CNTN3: variants seen among roughly 807,000 people sequenced by gnomAD.
CNTN3 encodes contactin 3.
In CNTN3, 60 loss-of-function variants were observed where a neutral mutation model predicts 119.1. The observed-to-expected ratio is 0.50, with a 90% CI of 0.41 to 0.62. The LOEUF is 0.62. Among genes scored for constraint, CNTN3 ranks in the 20% least tolerant of loss-of-function variants. The probability of loss-of-function intolerance (pLI) is 0.00; values close to 1 mark genes in which losing one functional copy is unlikely to be tolerated. For synonymous variants in CNTN3, 450 were observed against 438.7 expected, an observed-to-expected ratio of 1.03 and a Z score of -0.32; for missense variants, 1,101 against 1,242.4, an observed-to-expected ratio of 0.89 and a Z score of 1.71.
At chr3:74,383,434 C>G (rs1041578700) in intron 5 of CNTN3, among the ~76,000 whole-genome samples, 1 of 152,050 alleles carries the variant, frequency 6.6e-6, no homozygotes, top group Non-Finnish European at 1.5e-5. Context: ...AAATTTTAAC[C>G]AAGGAATTCT....
intron 2 of CNTN3, among the ~76,000 whole-genome samples, chr3:74,511,655 T>C (rs909911062): frequency 2.6e-5 from 4 of 152,088 alleles, no homozygotes; most frequent in African/African-American, 9.7e-5. Context: ...GGTGATGAAG[T>C]GAGACCCCTG....
intron 2 of CNTN3, among the ~76,000 whole-genome samples, chr3:74,506,905 G>C (rs115407106): frequency 1.8e-4 from 28 of 152,170 alleles, no homozygotes; most frequent in Admixed American, 3.9e-4. Flanking sequence ...TTTTAATAGA[G>C]ATGATTTCAT....
intron 13 of CNTN3, among the ~76,000 whole-genome samples, chr3:74,315,933 G>A (rs898339281): frequency 6.6e-6 from 1 of 152,062 alleles, no homozygotes; most frequent in Admixed American, 6.6e-5. Context: ...TTTAATACTG[G>A]CCTTGGCAAA....
At chr3:74,274,877 G>T in intron 20 of CNTN3, among the ~76,000 whole-genome samples, 1 of 152,092 alleles carries the variant, frequency 6.6e-6, no homozygotes, top group East Asian at 1.9e-4. Context: ...AGAGAAAAGT[G>T]AAGCCCAATA....
intron 10 of CNTN3, among the ~76,000 whole-genome samples, chr3:74,364,150 C>T (rs1475322015): frequency 1.3e-5 from 2 of 152,048 alleles, no homozygotes; most frequent in African/African-American, 4.8e-5. Flanking sequence ...CAACGGGGAA[C>T]ACCAAAATCA....
intron 16 of CNTN3, 141 bp from the exon 17 acceptor site, chr3:74,300,079 A>G: frequency 2.4e-6 from 1 of 419,366 alleles, no homozygotes; most frequent in East Asian, 3.6e-5. Flanking sequence ...TTATGTACAT[A>G]TACTTATATA....
intron 13 of CNTN3, among the ~76,000 whole-genome samples, chr3:74,324,245 T>C (rs1264045106): frequency 1.3e-5 from 2 of 151,680 alleles, no homozygotes; most frequent in Admixed American, 6.6e-5. Context: ...AGAGTTTTGC[T>C]CTGTCTTGCA....
Position 74,301,563 on chromosome 3 carries a change from T to G in CNTN3, c.1946-16A>C. ...ACCTCAGGCACTACAAAGGAATATT[T>G]CAGAGGTAAGAGTCTGCCTGCTTTA... On this transcript the variant is annotated splice_polypyrimidine_tract_variant and intron_variant, in intron 15 of 22. Transcript: ENST00000263665. The G allele has an allele frequency of 6.2e-7, 1 of 1,613,440 alleles. No homozygotes were observed. The highest frequency in any genetic ancestry group is 8.5e-7 in the Non-Finnish European group (1 of 1,179,596).
At chr3:74,480,835 G>C (rs905756397) in intron 4 of CNTN3, among the ~76,000 whole-genome samples, 1 of 151,768 alleles carries the variant, frequency 6.6e-6, no homozygotes, top group Non-Finnish European at 1.5e-5. Flanking sequence ...TGGAGATATT[G>C]ATTAACTTTA....
chr3:74,330,333 G>A (rs1042386273), intron 13 of CNTN3, among the ~76,000 whole-genome samples: 3 of 151,426 alleles, frequency 2.0e-5, no homozygotes, highest in Admixed American at 6.6e-5. Flanking sequence ...TCCAGCCTGA[G>A]TGACACAGTG....
intron 3 of CNTN3, among the ~76,000 whole-genome samples, chr3:74,495,302 T>A (rs1275951196): frequency 6.6e-6 from 1 of 152,046 alleles, no homozygotes; most frequent in African/African-American, 2.4e-5. Context: ...ATATCAGATC[T>A]TACATAGCAA....
chr3:74,475,189 A>AT, intron 4 of CNTN3, among the ~76,000 whole-genome samples: 1 of 152,274 alleles, frequency 6.6e-6, no homozygotes, highest in Non-Finnish European at 1.5e-5. Context: ...CACTAACATT[A>AT]TTTTCCTAAG....
chr3:74,504,763 T>C lies in CNTN3; in HGVS notation c.56-4978A>G, dbSNP rs13083906. Reference sequence around the variant, plus strand: ...CTGTGGAGACTGAAAGCTCCAGAGATACTTTCCACAACTCTTTGTCATTCT... The same window carrying C: ...CTGTGGAGACTGAAAGCTCCAGAGACACTTTCCACAACTCTTTGTCATTCT... On this transcript the variant is annotated intron_variant, in intron 2 of 22. Coordinates refer to ENST00000263665, the MANE Select transcript of CNTN3 (RefSeq NM_020872.3). Among the ~76,000 whole-genome samples the C allele has an allele frequency of 5.2e-3, 629 of 121,106 alleles. 3 individuals carry two copies. Among genetic ancestry groups the C allele is most frequent in the Non-Finnish European group, 8.8e-3 (455 of 51,846 alleles). 79.5% of individuals were successfully genotyped at this position (121,106 alleles called of 152,430 possible). A position where few individuals can be genotyped will look rare whatever the true frequency, so the allele number is the denominator to read the frequency against.
intron 1 of CNTN3, among the ~76,000 whole-genome samples, chr3:74,607,402 T>C (rs1705010801): frequency 6.6e-6 from 1 of 152,200 alleles, no homozygotes; most frequent in Non-Finnish European, 1.5e-5. Flanking sequence ...TGCATTAAGT[T>C]ATTTTAAAAG....
chr3:74,398,925 A>G (rs899386016), intron 5 of CNTN3, among the ~76,000 whole-genome samples: 2 of 152,242 alleles, frequency 1.3e-5, no homozygotes, highest in African/African-American at 4.8e-5. Context: ...TTTATGGGAT[A>G]TGCAGTGATA....
At chr3:74,489,801 T>C (rs960319250) in intron 3 of CNTN3, among the ~76,000 whole-genome samples, 3 of 152,080 alleles carry the variant, frequency 2.0e-5, no homozygotes. Flanking sequence ...TTTTAACATA[T>C]AAAATGGAGA....
rs1217169272 is a variant in CNTN3, at chr3:74,614,407, G to T, written c.-97C>A. Among the ~76,000 whole-genome samples the T allele has an allele frequency of 1.3e-5, 2 of 150,254 alleles. No homozygotes were observed. The highest frequency in any genetic ancestry group is 2.4e-5 in the African/African-American group (1 of 41,220). On this transcript the variant is annotated 5_prime_UTR_variant, in exon 1 of 23. Coordinates refer to ENST00000263665, the MANE Select transcript of CNTN3 (RefSeq NM_020872.3). ...CGGACTTACCTGGTCTCTGCAGCTC[G>T]CCAGACGCCCGCCCCGACGGCCCAC...
chr3:74,403,605 C>A (rs1458945552), intron 5 of CNTN3, among the ~76,000 whole-genome samples: 1 of 152,122 alleles, frequency 6.6e-6, no homozygotes, highest in Non-Finnish European at 1.5e-5. Context: ...TCTACAACAT[C>A]CACTTACCAC....
At chr3:74,301,357 A>G in intron 16 of CNTN3, 41 bp downstream of exon 16, 1 of 1,591,592 alleles carries the variant, frequency 6.3e-7, no homozygotes, top group Non-Finnish European at 8.6e-7. Context: ...GGAAGTACAC[A>G]GAAATCTATT....
Sources: allele counts gnomAD v4.1 joint callset (sites outside exome capture counted in the v4.1 genomes callset), GRCh38; gene constraint gnomAD v4.1.1; transcripts MANE v1.5; gene names NCBI Gene and HGNC (gene_info 2026-07-23, HGNC 2026-07-21).